The following MCM2 variants were observed in gnomAD, a reference collection of about 807,000 sequenced individuals.
MCM2 encodes DNA replication licensing factor MCM2.
A neutral mutation model predicts 86.4 loss-of-function variants in MCM2; 49 were observed. The ratio of observed to expected loss-of-function variants is 0.57; its 90% confidence interval spans 0.45 to 0.72. The LOEUF (loss-of-function observed/expected upper bound fraction) is 0.72. MCM2 is among the 30% of genes least tolerant of loss of function. The pLI, the probability that MCM2 is intolerant of heterozygous loss-of-function variation, is 0.00. For missense variants in MCM2, 1,038 were observed against 1,259.9 expected (o/e 0.82, Z 2.67); for synonymous variants, 475 against 484.6 (o/e 0.98, Z 0.26).
intron 8 of MCM2, among the ~76,000 whole-genome samples, chr3:127,613,349 TC>T (rs558718329): frequency 7.2e-4 from 109 of 152,350 alleles, no homozygotes; most frequent in African/African-American, 2.6e-3. Context: ...CGTGGAGTGG[TC>T]TGCCCAGCAT....
At chr3:127,619,995 A>G (rs1559867989) in intron 13 of MCM2, among the ~76,000 whole-genome samples, 1 of 152,152 alleles carries the variant, frequency 6.6e-6, no homozygotes. Context: ...AAAAAAAAAT[A>G]TTTTTTTAAA....
Position 127,599,412 on chromosome 3 carries a change from G to A in MCM2, c.101G>A (p.Arg34His), listed in dbSNP as rs749193916. ...LTSSPGRSSRRTDALTSSPGR... is the reference protein window; with the variant it reads ...LTSSPGRSSRHTDALTSSPGR... ...TCCAGCCCTGGCCGAAGCTCCCGGCGTACTGATGCCCTCACCTCCAGCCCT... is the reference window on the plus strand; with the variant it reads ...TCCAGCCCTGGCCGAAGCTCCCGGCATACTGATGCCCTCACCTCCAGCCCT... The change falls in exon 2 of 16, where the codon CGT becomes CAT. Residue 34 changes from arginine (R) to histidine (H), a missense_variant. This residue lies in a region of MCM2 where 300 missense variants were observed against 307.4 expected (regional missense o/e 0.98). Coordinates refer to ENST00000265056, the MANE Select transcript of MCM2 (RefSeq NM_004526.4). The A allele has an allele frequency of 1.6e-5, 26 of 1,614,118 alleles. No individual in the cohort carries two copies. Among genetic ancestry groups the A allele is most frequent in the African/African-American group, 9.3e-5 (7 of 75,020 alleles).
chr3:127,616,970 G>A lies in MCM2; in HGVS notation c.1625G>A (p.Arg542Gln), dbSNP rs779518615. The A allele has an allele frequency of 1.5e-5, 25 of 1,614,090 alleles. No homozygotes were observed. The highest frequency in any genetic ancestry group is 7.7e-5 in the South Asian group (7 of 91,094). Residue 542 changes from arginine (R) to glutamine (Q), a missense_variant, in exon 10 of 16, where the codon CGA becomes CAA. Around this residue, in one of 4 missense-constraint regions of MCM2, gnomAD observed 399 missense variants for 507.2 expected, o/e 0.79. Coordinates refer to ENST00000265056, the MANE Select transcript of MCM2 (RefSeq NM_004526.4). ...AAGTATATTGAGAAAGTGTCCAGCCGAGCCATCTTCACCACTGGCCAGGGG... is the reference window on the plus strand; with the variant it reads ...AAGTATATTGAGAAAGTGTCCAGCCAAGCCATCTTCACCACTGGCCAGGGG... ...FLKYIEKVSS[R>Q]AIFTTGQGAS...
chr3:127,619,436 C>T (rs185250280), intron 13 of MCM2, among the ~76,000 whole-genome samples, 158 bp downstream of exon 13: 14 of 152,218 alleles, frequency 9.2e-5, no homozygotes, highest in African/African-American at 2.2e-4. Flanking sequence ...CAGTGGCTCA[C>T]GCCTGTAATC....
intron 9 of MCM2, 68 bp from the exon 10 acceptor site, chr3:127,616,800 A>G (rs762495649): frequency 1.9e-5 from 29 of 1,527,376 alleles, no homozygotes; most frequent in Non-Finnish European, 2.4e-5. Context: ...TTGGTGGGGG[A>G]TGCAACTGTG....
At position 127,600,709 on chromosome 3, in the gene MCM2, T is replaced by A. The variant is rs565620972; in HGVS notation, c.236+1162T>A. On this transcript the variant is annotated intron_variant, in intron 2 of 15. Coordinates refer to ENST00000265056, the MANE Select transcript of MCM2 (RefSeq NM_004526.4). Reference sequence around the variant, plus strand: ...TAGACGGCTTTCCTGTTCTGCCTGATGGAGTTGTTCAGGCCGGATGCCCCT... The same window carrying A: ...TAGACGGCTTTCCTGTTCTGCCTGAAGGAGTTGTTCAGGCCGGATGCCCCT... Among the ~76,000 whole-genome samples, 14 of 152,128 alleles carry A rather than the reference T, an allele frequency of 9.2e-5. No homozygotes were observed. In the East Asian group the frequency reaches 2.7e-3, roughly 29 times the overall value.
intron 8 of MCM2, among the ~76,000 whole-genome samples, chr3:127,612,891 C>A (rs1004710437): frequency 3.3e-5 from 5 of 152,180 alleles, no homozygotes; most frequent in Non-Finnish European, 4.4e-5. Flanking sequence ...GCCTTGGTTT[C>A]CTCTGTAGGA....
In MCM2 at chr3:127,606,331, C is replaced by T. The variant is rs199968234; in HGVS notation, c.887C>T (p.Ser296Leu). The change falls in exon 5 of 16, where the codon TCG becomes TTG. Residue 296 changes from serine (S) to leucine (L), a missense_variant. Coordinates refer to ENST00000265056, the MANE Select transcript of MCM2 (RefSeq NM_004526.4). This position sits in a 1 kb window ranked among gnomAD's most constrained non-coding sequence, Gnocchi z 4.2. ...SHLPLVEELRSLRQLHLNQLI... is the reference protein window; with the variant it reads ...SHLPLVEELRLLRQLHLNQLI... ...CTGCCTCTGGTGGAGGAGCTGCGCT[C>T]GCTGAGGTGAGCTGAGGGCAGGTGA... is the stretch of plus-strand genomic sequence containing the variant. 1.3e-4 allele frequency: 207 copies of T among 1,614,206 alleles called. 1 individual carries two copies. In the Middle Eastern group the frequency reaches 3.3e-3, roughly 26 times the overall value.
At chr3:127,610,972 G>A (rs1452612051) in intron 8 of MCM2, 2 of 456,466 alleles carry the variant, frequency 4.4e-6, no homozygotes, top group Admixed American at 2.3e-5. Flanking sequence ...GGGCCAAGTT[G>A]TAGGGATACA....
chr3:127,614,971 C>A (rs1359137995), intron 8 of MCM2, among the ~76,000 whole-genome samples: 1 of 152,200 alleles, frequency 6.6e-6, no homozygotes, highest in African/African-American at 2.4e-5. Context: ...TACTTGCTTT[C>A]AGAGGGAGAT....
At chr3:127,599,777 C>G (rs1301431771) in intron 2 of MCM2, among the ~76,000 whole-genome samples, 2 of 152,172 alleles carry the variant, frequency 1.3e-5, no homozygotes, top group African/African-American at 2.4e-5. Context: ...AGGATAAGCC[C>G]CGACTCCATA....
At chr3:127,608,110 G>A (rs568429521) in intron 6 of MCM2, among the ~76,000 whole-genome samples, 6 of 152,318 alleles carry the variant, frequency 3.9e-5, no homozygotes, top group African/African-American at 1.2e-4. Context: ...CAGGCAGCCT[G>A]GTTCCAGCAT....
chr3:127,620,823 G>A lies in MCM2; in HGVS notation c.2391G>A (p.Val797=). The A allele has an allele frequency of 1.2e-6, 2 of 1,613,930 alleles. No homozygotes were observed. Among genetic ancestry groups the A allele is most frequent in the Non-Finnish European group, 1.7e-6 (2 of 1,179,848 alleles). Reference sequence around the variant, plus strand: ...ACGACGTCAACATGGCCATCCGCGTGATGCTGGAGAGCTTCATAGACACAC... The same window carrying A: ...ACGACGTCAACATGGCCATCCGCGTAATGCTGGAGAGCTTCATAGACACAC... ...IEDDVNMAIR[V]MLESFIDTQK... The change falls in exon 14 of 16, where the codon GTG becomes GTA. Residue 797 remains valine (V), a synonymous_variant. Transcript: ENST00000265056.
chr3:127,620,349 T>C (rs1248094049), intron 13 of MCM2, among the ~76,000 whole-genome samples: 1 of 152,240 alleles, frequency 6.6e-6, no homozygotes, highest in Admixed American at 6.5e-5. Context: ...GACCTTTTTT[T>C]GCACTTACAT....
At position 127,605,144 on chromosome 3, in the gene MCM2, G is replaced by A. The variant is rs748382618; in HGVS notation, c.661G>A (p.Asp221Asn). The A allele has an allele frequency of 7.4e-6, 12 of 1,613,844 alleles. No homozygotes were observed. In the African/African-American group the frequency reaches 8.0e-5, roughly 11 times the overall value. The change falls in exon 4 of 16, where the codon GAC becomes AAC. Residue 221 changes from aspartate (D) to asparagine (N), a missense_variant. Coordinates refer to ENST00000265056, the MANE Select transcript of MCM2 (RefSeq NM_004526.4). ...CAACGTCTTCAAGGAGCGCATCAGC[G>A]ACATGTGCAAAGGTGTGGCTTCCCT... ...GHNVFKERISDMCKENRESLV... is the reference protein window; with the variant it reads ...GHNVFKERISNMCKENRESLV...
At chr3:127,608,632 G>A in intron 7 of MCM2, 116 bp downstream of exon 7, 1 of 1,409,208 alleles carries the variant, frequency 7.1e-7, no homozygotes, top group Non-Finnish European at 9.8e-7. Flanking sequence ...GCTAGGATCT[G>A]TTTTTGCATG....
At chr3:127,604,573 T>A in intron 2 of MCM2, 35 bp from the exon 3 acceptor site, 2 of 1,598,184 alleles carry the variant, frequency 1.3e-6, no homozygotes, top group South Asian at 2.2e-5. Flanking sequence ...TTTTCCTTTT[T>A]GGCAGTAACC....
In MCM2 at chr3:127,604,691, C is replaced by G; in HGVS notation, c.320C>G (p.Ala107Gly). The G allele has an allele frequency of 6.2e-7, 1 of 1,612,634 alleles. No homozygotes were observed. The highest frequency in any genetic ancestry group is 1.9e-4 in the Middle Eastern group (1 of 5,240). The change falls in exon 3 of 16, where the codon GCC becomes GGC. Residue 107 changes from alanine (A) to glycine (G), a missense_variant. Physicochemically the swap from Ala to Gly is moderately conservative, Grantham distance 60. This residue lies in a region of MCM2 where 300 missense variants were observed against 307.4 expected (regional missense o/e 0.98). Transcript: ENST00000265056. ...LDDEDVEELT[A>G]SQREAAERAM... is the part of the protein sequence containing the mutation. The stretch of plus-strand genomic sequence containing the variant: ...GATGAGGACGTAGAGGAGCTGACGG[C>G]CAGTCAGAGGGAGGCAGCAGAGCGG...
intron 6 of MCM2, among the ~76,000 whole-genome samples, 173 bp from the exon 7 acceptor site, chr3:127,608,209 G>A (rs1189185681): frequency 6.6e-6 from 1 of 152,230 alleles, no homozygotes. Context: ...TGTGGCAGGA[G>A]TGGGGACTGT....
Sources: gnomAD v4.1 joint callset for allele counts (sites outside exome capture counted in the v4.1 genomes callset) on GRCh38, gnomAD v4.1.1 for gene constraint, gnomAD v4.1.1 regional missense constraint, Gnocchi (gnomAD v3.1) non-coding constraint, MANE v1.5 for transcripts, NCBI Gene and HGNC (gene_info 2026-07-23, HGNC 2026-07-21) for gene names.